Variants in PALD1 observed in about 807,000 individuals in gnomAD.
PALD1 encodes the protein paladin.
A neutral mutation model predicts 96.0 loss-of-function variants in PALD1; 57 were observed. That is an observed-to-expected ratio of 0.59 (90% CI 0.48 to 0.74). The LOEUF (loss-of-function observed/expected upper bound fraction) is 0.74. Ranked by LOEUF, PALD1 falls within the 30% of genes least tolerant of loss-of-function variation. The pLI, the probability that PALD1 is intolerant of heterozygous loss-of-function variation, is 0.00. For missense variants in PALD1, 1,063 were observed against 1,143.7 expected (o/e 0.93, Z 1.02); for synonymous variants, 464 against 473.6 (o/e 0.98, Z 0.26).
At chr10:70,498,686 G>T (rs1846237969) in intron 1 of PALD1, among the ~76,000 whole-genome samples, 1 of 152,008 alleles carries the variant, frequency 6.6e-6, no homozygotes, top group Non-Finnish European at 1.5e-5. Context: ...CAGCACTTTG[G>T]GAGGCTGAGG....
At chr10:70,492,353 A>G (rs545017917) in intron 1 of PALD1, among the ~76,000 whole-genome samples, 3 of 151,576 alleles carry the variant, frequency 2.0e-5, no homozygotes, top group South Asian at 2.1e-4. Flanking sequence ...TGCGATTTGT[A>G]TCACTCTACC....
intron 1 of PALD1, among the ~76,000 whole-genome samples, chr10:70,499,137 C>G (rs762715264): frequency 1.3e-5 from 2 of 152,134 alleles, no homozygotes; most frequent in African/African-American, 4.8e-5. Context: ...CAGAGAAGTT[C>G]GGTAACTTAG....
chr10:70,461,582 C>CTGT, the PALD1 span, among the ~76,000 whole-genome samples: 6 of 152,160 alleles, frequency 3.9e-5, no homozygotes, highest in African/African-American at 1.2e-4. Flanking sequence ...CAGATGGCCT[C>CTGT]CCAGACCAGA....
At position 70,540,460 on chromosome 10, in the gene PALD1, T is replaced by A. The variant is rs564455493; in HGVS notation, c.1909-642T>A. Among the ~76,000 whole-genome samples, 33 of 152,058 alleles carry A rather than the reference T, an allele frequency of 2.2e-4. No individual in the cohort carries two copies. In the South Asian group the frequency reaches 6.6e-3, roughly 31 times the overall value. ...CTGTAGGTCTGTGACTGTGGGTGTC[T>A]GTATAGTGTGTGTGTTTACCGGACG... On this transcript the variant is annotated intron_variant, in intron 15 of 19. Coordinates refer to ENST00000263563, the MANE Select transcript of PALD1 (RefSeq NM_014431.3). The surrounding 1 kb of genome is among the most constrained non-coding windows in gnomAD (Gnocchi z 4.2).
At chr10:70,473,668 T>C in the PALD1 span, among the ~76,000 whole-genome samples, 16 of 151,562 alleles carry the variant, frequency 1.1e-4, no homozygotes, top group African/African-American at 3.9e-4. Flanking sequence ...TTTTTTTTAA[T>C]TGAGACGGAG....
At chr10:70,466,344 C>T in the PALD1 span, among the ~76,000 whole-genome samples, 6 of 151,874 alleles carry the variant, frequency 4.0e-5, no homozygotes, top group African/African-American at 1.2e-4. Context: ...CTCCTAGGTT[C>T]AAGCGATTCT....
chr10:70,509,805 A>G (rs1190890505), intron 1 of PALD1, among the ~76,000 whole-genome samples: 2 of 152,200 alleles, frequency 1.3e-5, no homozygotes, highest in Non-Finnish European at 2.9e-5. Context: ...GTCTGGGGGC[A>G]GGAAGCGCTG....
chr10:70,528,204 G>C (rs752340182), intron 2 of PALD1, among the ~76,000 whole-genome samples: 2 of 152,156 alleles, frequency 1.3e-5, no homozygotes, highest in Non-Finnish European at 2.9e-5. Flanking sequence ...ACTCTGGGAG[G>C]CTCTGTCATA....
upstream of PALD1, among the ~76,000 whole-genome samples, chr10:70,478,062 T>C (rs1048805758): frequency 4.5e-5 from 6 of 132,366 alleles, no homozygotes; most frequent in African/African-American, 1.7e-4. Flanking sequence ...GGCAGGCCTA[T>C]GGTGCGGGTC....
At chr10:70,565,438 C>G (rs1239174171) in intron 19 of PALD1, among the ~76,000 whole-genome samples, 2 of 152,236 alleles carry the variant, frequency 1.3e-5, no homozygotes, top group African/African-American at 4.8e-5. Context: ...CCCCTCCAGA[C>G]CTCACCAGCA....
intron 1 of PALD1, among the ~76,000 whole-genome samples, chr10:70,509,524 C>A (rs189343728): frequency 9.2e-5 from 14 of 152,254 alleles, no homozygotes; most frequent in Non-Finnish European, 1.8e-4. Flanking sequence ...GGAGGTGAGG[C>A]ATGTACTTAG....
chr10:70,505,085 C>T (rs1846359498), intron 1 of PALD1, among the ~76,000 whole-genome samples: 1 of 152,170 alleles, frequency 6.6e-6, no homozygotes, highest in African/African-American at 2.4e-5. Context: ...CATTTCATGT[C>T]AACATTTTAA....
At chr10:70,467,324 G>A in the PALD1 span, among the ~76,000 whole-genome samples, 1 of 151,936 alleles carries the variant, frequency 6.6e-6, no homozygotes, top group East Asian at 1.9e-4. Flanking sequence ...GCCTGGGGGT[G>A]GGGGTATGAG....
the PALD1 span, among the ~76,000 whole-genome samples, chr10:70,472,270 T>G: frequency 2.6e-5 from 4 of 152,142 alleles, no homozygotes; most frequent in Non-Finnish European, 5.9e-5. Flanking sequence ...TTTATTTATT[T>G]ATTTATTGAG....
At chr10:70,535,831 T>G (rs1018035607) in intron 10 of PALD1, among the ~76,000 whole-genome samples, 1 of 151,962 alleles carries the variant, frequency 6.6e-6, no homozygotes, top group Admixed American at 6.6e-5. Flanking sequence ...CTCCTGAGTA[T>G]CTGGGACTAC....
At position 70,518,763 on chromosome 10, in the gene PALD1, C is replaced by T. The variant is rs115285509; in HGVS notation, c.-29-7160C>T. The stretch of plus-strand genomic sequence containing the variant: ...GGCCCTCCTGGTGTACCCCTCTCTG[C>T]GCTCAGGGTCTCTGGCTCTCTCAGG... On this transcript the variant is annotated intron_variant, in intron 1 of 19. Coordinates refer to ENST00000263563, the MANE Select transcript of PALD1 (RefSeq NM_014431.3). Among the ~76,000 whole-genome samples, 427 of 152,330 alleles carry T rather than the reference C, an allele frequency of 2.8e-3. 1 individual carries two copies. The highest frequency in any genetic ancestry group is 8.0e-3 in the African/African-American group (334 of 41,588).
At chr10:70,466,129 G>C in the PALD1 span, among the ~76,000 whole-genome samples, 2 of 152,122 alleles carry the variant, frequency 1.3e-5, no homozygotes, top group Non-Finnish European at 2.9e-5. Flanking sequence ...AGGCCCCCTT[G>C]GGACTTTGTG....
chr10:70,530,979 C>T lies in PALD1; in HGVS notation c.469-311C>T, dbSNP rs141527905. Among the ~76,000 whole-genome samples the T allele has an allele frequency of 1.6e-3, 238 of 152,284 alleles. 2 individuals are homozygous for T. Among genetic ancestry groups the T allele is most frequent in the African/African-American group, 5.4e-3 (225 of 41,556 alleles). On this transcript the variant is annotated intron_variant, in intron 4 of 19. Coordinates refer to ENST00000263563, the MANE Select transcript of PALD1 (RefSeq NM_014431.3). ...AATGACCAGGACATGATTTTGCCTACGAGGAACCTGTGGTCCATTAAGGGG... is the reference window on the plus strand; with the variant it reads ...AATGACCAGGACATGATTTTGCCTATGAGGAACCTGTGGTCCATTAAGGGG...
At chr10:70,519,573 CTTTTT>C (rs1192092171) in intron 1 of PALD1, among the ~76,000 whole-genome samples, 2 of 133,684 alleles carry the variant, frequency 1.5e-5, no homozygotes. Context: ...TTCTTTCTTT[CTTTTT>C]TTTTTTTTTT....
Sources: allele counts gnomAD v4.1 joint callset (sites outside exome capture counted in the v4.1 genomes callset), GRCh38; gene constraint gnomAD v4.1.1; non-coding constraint Gnocchi (gnomAD v3.1); transcripts MANE v1.5; gene names NCBI Gene and HGNC (gene_info 2026-07-23, HGNC 2026-07-21).